Variants in ADCY8 observed in about 807,000 individuals in gnomAD.
ADCY8 encodes adenylate cyclase type 8.
A neutral mutation model predicts 119.7 loss-of-function variants in ADCY8; 51 were observed. The observed-to-expected ratio is 0.43, with a 90% CI of 0.34 to 0.54. The LOEUF is 0.54. ADCY8 is among the 20% of genes least tolerant of loss of function. The pLI, the probability that ADCY8 is intolerant of heterozygous loss-of-function variation, is 0.03. For missense variants in ADCY8, 1,383 were observed against 1,598.8 expected (o/e 0.87, Z 2.30); for synonymous variants, 665 against 651.0 (o/e 1.02, Z -0.33).
intron 1 of ADCY8, among the ~76,000 whole-genome samples, chr8:131,006,229 GT>G (rs1331159889): frequency 6.6e-6 from 1 of 152,164 alleles, no homozygotes; most frequent in African/African-American, 2.4e-5. Flanking sequence ...TCTTGTCTGT[GT>G]TTTCCTGTGG....
At chr8:130,888,215 A>G (rs1819060281) in intron 7 of ADCY8, among the ~76,000 whole-genome samples, 1 of 151,434 alleles carries the variant, frequency 6.6e-6, no homozygotes, top group African/African-American at 2.4e-5. Context: ...TATAATATAT[A>G]TATAATAGAA....
intron 1 of ADCY8, among the ~76,000 whole-genome samples, chr8:131,035,927 G>A (rs932961377): frequency 2.0e-5 from 3 of 152,150 alleles, no homozygotes; most frequent in Non-Finnish European, 2.9e-5. Context: ...TAGCTACAAT[G>A]AGCCTATGCC....
chr8:130,904,144 A>G, intron 6 of ADCY8, 102 bp from the exon 7 acceptor site: 1 of 1,193,094 alleles, frequency 8.4e-7, no homozygotes, highest in Non-Finnish European at 1.2e-6. Context: ...ACACAAGGGT[A>G]TTATTAGGAC....
At chr8:130,975,644 T>C (rs1205485663) in intron 2 of ADCY8, among the ~76,000 whole-genome samples, 1 of 152,188 alleles carries the variant, frequency 6.6e-6, no homozygotes, top group African/African-American at 2.4e-5. Context: ...ATTATTCCAA[T>C]GTAATAGATA....
chr8:130,967,657 A>G (rs1448871737), intron 2 of ADCY8, among the ~76,000 whole-genome samples: 1 of 152,232 alleles, frequency 6.6e-6, no homozygotes, highest in Non-Finnish European at 1.5e-5. Context: ...TGTGATTTAA[A>G]GAATGAGTCA....
At chr8:130,976,017 G>A (rs1009459929) in intron 2 of ADCY8, among the ~76,000 whole-genome samples, 1 of 137,790 alleles carries the variant, frequency 7.3e-6, no homozygotes, top group African/African-American at 3.3e-5. Context: ...ACTTCAGTAT[G>A]CTAAAAAAAA....
chr8:130,895,896 A>G (rs1819370625), intron 7 of ADCY8, among the ~76,000 whole-genome samples: 1 of 152,170 alleles, frequency 6.6e-6, no homozygotes, highest in African/African-American at 2.4e-5. Flanking sequence ...TACCTCTGAA[A>G]ACACACCTTT....
At chr8:131,028,941 G>A (rs1437891279) in intron 1 of ADCY8, among the ~76,000 whole-genome samples, 6 of 152,202 alleles carry the variant, frequency 3.9e-5, no homozygotes, top group East Asian at 1.9e-4. Flanking sequence ...CCACTGAGAC[G>A]TCAAGCCCAG....
chr8:130,819,388 G>A (rs2130190991), intron 13 of ADCY8, among the ~76,000 whole-genome samples: 1 of 152,266 alleles, frequency 6.6e-6, no homozygotes, highest in East Asian at 1.9e-4. Context: ...ATGCAATTAG[G>A]TTATCTGCTT....
At chr8:130,807,015 C>T (rs1815982056) in intron 14 of ADCY8, among the ~76,000 whole-genome samples, 1 of 152,162 alleles carries the variant, frequency 6.6e-6, no homozygotes, top group South Asian at 2.1e-4. Context: ...TATAAAAACA[C>T]TTTGTAAACT....
intron 13 of ADCY8, among the ~76,000 whole-genome samples, chr8:130,820,813 C>T (rs958920899): frequency 1.3e-4 from 20 of 152,164 alleles, no homozygotes; most frequent in African/African-American, 4.8e-4. Flanking sequence ...ATAAACAATG[C>T]AAGTCAGTGC....
At chr8:131,034,708 A>G (rs936658810) in intron 1 of ADCY8, among the ~76,000 whole-genome samples, 1 of 152,170 alleles carries the variant, frequency 6.6e-6, no homozygotes, top group Non-Finnish European at 1.5e-5. Flanking sequence ...TGGAGAAATC[A>G]TCTCCACTCT....
intron 1 of ADCY8, among the ~76,000 whole-genome samples, chr8:131,032,304 G>T (rs1824020310): frequency 6.6e-6 from 1 of 152,148 alleles, no homozygotes; most frequent in Non-Finnish European, 1.5e-5. Context: ...TAGCACTTGA[G>T]CTTGGATATA....
intron 3 of ADCY8, among the ~76,000 whole-genome samples, chr8:130,945,524 CTG>C (rs1365242082): frequency 6.6e-6 from 1 of 152,230 alleles, no homozygotes; most frequent in Non-Finnish European, 1.5e-5. Context: ...GCTCTGTAAA[CTG>C]GAGATAACTG....
intron 13 of ADCY8, among the ~76,000 whole-genome samples, chr8:130,818,605 G>C (rs957903686): frequency 2.0e-5 from 3 of 152,316 alleles, no homozygotes; most frequent in Non-Finnish European, 4.4e-5. Context: ...ACGCTTCTGC[G>C]TACCAGGCAT....
At chr8:130,849,842 T>A in intron 9 of ADCY8, 39 bp from the exon 10 acceptor site, 1 of 1,569,154 alleles carries the variant, frequency 6.4e-7, no homozygotes, top group South Asian at 1.1e-5. Context: ...TTGGCATCAA[T>A]TGTCTGAGCA....
rs886742764 is a variant in ADCY8 at position 131,039,764 on chromosome 8, C to T, written c.570G>A (p.Val190=). 3 of 1,614,188 alleles carry T rather than the reference C, an allele frequency of 1.9e-6. No homozygotes were observed. Among genetic ancestry groups the T allele is most frequent in the Non-Finnish European group, 2.5e-6 (3 of 1,180,048 alleles). ...GGACCAAGAGAGTGAGTTTGGTCAG[C>T]ACGTCCAGCACGTTCATCACCACTT... ...KSEVVMNVLD[V]LTKLTLLVLH... Residue 190 remains valine (V), a synonymous_variant, in exon 1 of 18, where the codon GTG becomes GTA. Transcript: ENST00000286355.
At chr8:130,887,781 CTA>C (rs1819042608) in intron 7 of ADCY8, among the ~76,000 whole-genome samples, 1 of 152,124 alleles carries the variant, frequency 6.6e-6, no homozygotes, top group African/African-American at 2.4e-5. Flanking sequence ...TGATACCCCT[CTA>C]TCTCATTAGT....
intron 1 of ADCY8, among the ~76,000 whole-genome samples, chr8:130,992,416 TATATATATATATATTTGAG>T (rs1822619418): frequency 7.8e-6 from 1 of 127,490 alleles, no homozygotes; most frequent in African/African-American, 3.3e-5. Context: ...TATATATATA[TATATATATATATATTTGAG>T]ATAGGGTCTC....
Sources: gnomAD v4.1 joint callset for allele counts (sites outside exome capture counted in the v4.1 genomes callset) on GRCh38, gnomAD v4.1.1 for gene constraint, MANE v1.5 for transcripts, NCBI Gene and HGNC (gene_info 2026-07-23, HGNC 2026-07-21) for gene names.